Variants in NRXN1 observed in about 807,000 individuals in gnomAD.
NRXN1 encodes neurexin-1.
NRXN1 carries 39 observed loss-of-function variants against 150.9 expected under a neutral mutation model. The ratio of observed to expected loss-of-function variants is 0.26; its 90% CI spans 0.20 to 0.34. NRXN1 has a LOEUF of 0.34. Among genes scored for constraint, NRXN1 ranks in the 10% least tolerant of loss-of-function variants. The probability of loss-of-function intolerance (pLI) is 1.00; values close to 1 mark genes in which losing one functional copy is unlikely to be tolerated. For missense variants in NRXN1, 1,815 were observed against 1,949.9 expected (o/e 0.93, Z 1.30); for synonymous variants, 924 against 757.0 (o/e 1.22, Z -3.62).
At chr2:50,620,985 T>C in intron 7 of NRXN1, 2 of 447,792 alleles carry the variant, frequency 4.5e-6, no homozygotes, top group Admixed American at 4.1e-5. Context: ...ATGCAAAACG[T>C]TCGAAACGTT....
rs186109244 is a variant in NRXN1, at chr2:50,580,886, T to C, written c.1321-27861A>G. The stretch of plus-strand genomic sequence containing the variant: ...ACTAATGAAAATAATGGAGAGAAAT[T>C]AAATATAAGTTGCTATAGTCCCAAA... On this transcript the variant is annotated intron_variant, in intron 8 of 22. Coordinates refer to ENST00000401669, the MANE Select transcript of NRXN1 (RefSeq NM_001330078.2). Among the ~76,000 whole-genome samples, 32 of 152,232 alleles carry C rather than the reference T, an allele frequency of 2.1e-4. 1 individual carries two copies. The highest frequency in any genetic ancestry group is 1.0e-3 in the South Asian group (5 of 4,830).
At chr2:50,539,232 G>A (rs2093337031) in intron 9 of NRXN1, among the ~76,000 whole-genome samples, 1 of 152,058 alleles carries the variant, frequency 6.6e-6, no homozygotes, top group South Asian at 2.1e-4. Context: ...GTTGCTCTTA[G>A]TGTTAAACAA....
intron 8 of NRXN1, among the ~76,000 whole-genome samples, chr2:50,587,706 A>C (rs1245650120): frequency 6.6e-6 from 1 of 152,196 alleles, no homozygotes; most frequent in East Asian, 1.9e-4. Context: ...TTAATTTCAA[A>C]AGTAAATTGT....
chr2:50,420,228 T>C (rs1433803268), intron 17 of NRXN1, among the ~76,000 whole-genome samples: 2 of 152,022 alleles, frequency 1.3e-5, no homozygotes, highest in South Asian at 2.1e-4. Flanking sequence ...GCACTGCCTA[T>C]ATACAGACAG....
intron 18 of NRXN1, among the ~76,000 whole-genome samples, chr2:50,143,867 C>T (rs765748217): frequency 1.3e-5 from 2 of 151,886 alleles, no homozygotes; most frequent in Non-Finnish European, 2.9e-5. Context: ...GCTTCAAAGG[C>T]ATTTCCAACT....
intron 2 of NRXN1, among the ~76,000 whole-genome samples, chr2:50,942,628 T>C (rs1401267544): frequency 6.6e-6 from 1 of 152,198 alleles, no homozygotes; most frequent in Non-Finnish European, 1.5e-5. Context: ...TTTTAGATTT[T>C]CATGGGGCCT....
At chr2:50,242,018 TAAAAGGTTACTTTTTG>T (rs1344130225) in intron 17 of NRXN1, among the ~76,000 whole-genome samples, 1 of 151,814 alleles carries the variant, frequency 6.6e-6, no homozygotes, top group Non-Finnish European at 1.5e-5. Context: ...AGTATATGAA[TAAAAGGTTACTTTTTG>T]AAAGCCTATA....
At position 50,796,714 on chromosome 2, in the gene NRXN1, C is replaced by T. The variant is rs576366147; in HGVS notation, c.832+125155G>A. Among the ~76,000 whole-genome samples, 5 of 152,306 alleles carry T rather than the reference C, an allele frequency of 3.3e-5. No individual in the cohort carries two copies. In the East Asian group the frequency reaches 5.8e-4, roughly 18 times the overall value. On this transcript the variant is annotated intron_variant, in intron 5 of 22. Transcript: ENST00000401669. ...TCAAGGCCCAAAGTCCCGGCTCCCT[C>T]ACATTAGTGATCAGATTTGTTAACT...
At chr2:50,717,574 C>T (rs1056854830) in intron 5 of NRXN1, among the ~76,000 whole-genome samples, 11 of 152,264 alleles carry the variant, frequency 7.2e-5, no homozygotes, top group Non-Finnish European at 1.3e-4. Flanking sequence ...TTTGAAAATA[C>T]GAACTCAATT....
intron 18 of NRXN1, among the ~76,000 whole-genome samples, chr2:50,165,909 G>T (rs899791583): frequency 2.6e-5 from 4 of 152,162 alleles, no homozygotes; most frequent in African/African-American, 9.6e-5. Flanking sequence ...ACTACTTTAT[G>T]TCTTGTGTAT....
At chr2:49,930,550 A>G (rs1669955096) in intron 22 of NRXN1, among the ~76,000 whole-genome samples, 1 of 151,982 alleles carries the variant, frequency 6.6e-6, no homozygotes, top group African/African-American at 2.4e-5. Context: ...TTTTTAAAAT[A>G]AATAAATTCT....
chr2:50,425,085 G>A (rs575746837), intron 17 of NRXN1, among the ~76,000 whole-genome samples: 1 of 152,118 alleles, frequency 6.6e-6, no homozygotes, highest in Non-Finnish European at 1.5e-5. Context: ...GCCATATTGT[G>A]CATTTTGCCA....
intron 5 of NRXN1, among the ~76,000 whole-genome samples, chr2:50,709,753 A>G (rs1694908777): frequency 6.6e-6 from 1 of 152,130 alleles, no homozygotes; most frequent in Admixed American, 6.6e-5. Flanking sequence ...ATGCTTAAGG[A>G]ATGAACTATT....
At chr2:50,096,372 T>C (rs972083570) in intron 18 of NRXN1, among the ~76,000 whole-genome samples, 1 of 152,228 alleles carries the variant, frequency 6.6e-6, no homozygotes, top group African/African-American at 2.4e-5. Context: ...CTCATGTTTA[T>C]AGGATAGCAA....
chr2:50,040,274 T>C (rs1690727945), intron 21 of NRXN1, among the ~76,000 whole-genome samples: 1 of 151,708 alleles, frequency 6.6e-6, no homozygotes, highest in Non-Finnish European at 1.5e-5. Flanking sequence ...TGTAAATTAA[T>C]GGAACAAGAA....
intron 17 of NRXN1, among the ~76,000 whole-genome samples, chr2:50,320,210 G>C (rs1558518478): frequency 2.1e-5 from 3 of 142,242 alleles, no homozygotes; most frequent in Non-Finnish European, 4.5e-5. Context: ...AATATTTAAA[G>C]CTATTTTTTC....
chr2:50,882,273 C>A (rs1457375406), intron 5 of NRXN1, among the ~76,000 whole-genome samples: 1 of 151,778 alleles, frequency 6.6e-6, no homozygotes, highest in Non-Finnish European at 1.5e-5. Context: ...ATGGACAAAC[C>A]ACATTTAAAA....
At chr2:50,053,202 A>T in intron 21 of NRXN1, 69 bp downstream of exon 21, 1 of 1,512,888 alleles carries the variant, frequency 6.6e-7, no homozygotes, top group Non-Finnish European at 9.2e-7. Context: ...GAAAAGACGC[A>T]TATGCAGAAA....
intron 15 of NRXN1, among the ~76,000 whole-genome samples, chr2:50,488,259 C>G (rs56859021): frequency 4.6e-5 from 7 of 152,194 alleles, no homozygotes; most frequent in African/African-American, 1.7e-4. Context: ...TAATGTGACT[C>G]TGTCTCTTAT....
Sources: gnomAD v4.1 joint callset for allele counts (sites outside exome capture counted in the v4.1 genomes callset) on GRCh38, gnomAD v4.1.1 for gene constraint, MANE v1.5 for transcripts, NCBI Gene and HGNC (gene_info 2026-07-23, HGNC 2026-07-21) for gene names.